The following STOX2 variants were observed in gnomAD, a reference collection of about 807,000 sequenced individuals.
STOX2 encodes storkhead-box protein 2.
STOX2 carries 28 observed loss-of-function variants against 60.9 expected under a neutral mutation model. The ratio of observed to expected loss-of-function variants is 0.46; its 90% CI spans 0.34 to 0.63. The LOEUF (loss-of-function observed/expected upper bound fraction) is 0.63. STOX2 is among the 30% of genes least tolerant of loss of function. The pLI, the probability that STOX2 is intolerant of heterozygous loss-of-function variation, is 0.01. For missense variants in STOX2, 1,024 were observed against 1,187.7 expected, an observed-to-expected ratio of 0.86 and a Z score of 2.03; for synonymous variants, 472 against 463.9, an observed-to-expected ratio of 1.02 and a Z score of -0.22.
At chr4:183,824,280 A>G (rs901869920) in intron 1 of STOX2, among the ~76,000 whole-genome samples, 2 of 152,356 alleles carry the variant, frequency 1.3e-5, no homozygotes, top group South Asian at 2.1e-4. Flanking sequence ...AGCTAATACA[A>G]TATTCTCACC....
intron 1 of STOX2, among the ~76,000 whole-genome samples, chr4:183,933,341 T>G (rs1742492194): frequency 6.6e-6 from 1 of 152,210 alleles, no homozygotes; most frequent in African/African-American, 2.4e-5. Context: ...TTATTGAAAT[T>G]AAAGCATTTG....
Position 183,931,387 on chromosome 4 carries a change from G to A in STOX2, c.166+24431G>A, listed in dbSNP as rs544206289. Among the ~76,000 whole-genome samples, 5 of 152,194 alleles carry A rather than the reference G, an allele frequency of 3.3e-5. No homozygotes were observed. In the South Asian group the frequency reaches 1.0e-3, roughly 32 times the overall value. On this transcript the variant is annotated intron_variant, in intron 1 of 3. Transcript: ENST00000308497. ...TGCAGTGAGCCAAGATTGTGCCACC[G>A]TACTCCAGCCTGGGCGACAGAGTAA...
chr4:183,878,210 A>G (rs1191417098), intron 1 of STOX2, among the ~76,000 whole-genome samples: 1 of 152,234 alleles, frequency 6.6e-6, no homozygotes, highest in Non-Finnish European at 1.5e-5. Flanking sequence ...CAACTCTGCC[A>G]TGGCCTGCCC....
rs1403271208 is a variant in STOX2, at chr4:184,001,306, G to T, written c.167-19G>T. 6.2e-7 allele frequency: 1 copy of T among 1,612,634 alleles called. No homozygotes were observed. The highest frequency in any genetic ancestry group is 1.7e-5 in the Admixed American group (1 of 59,990). On this transcript the variant is annotated intron_variant, in intron 1 of 3. Transcript: ENST00000308497. The surrounding 1 kb of genome is among the most constrained non-coding windows in gnomAD (Gnocchi z 4.2). ...GGGTCTTTTAATGAACCACTCACTT[G>T]AAAATTGTCTTTCTGCAGGTGATGT...
At chr4:183,992,553 A>T (rs919968015) in intron 1 of STOX2, among the ~76,000 whole-genome samples, 1 of 152,222 alleles carries the variant, frequency 6.6e-6, no homozygotes, top group African/African-American at 2.4e-5. Flanking sequence ...TTCTTATGTG[A>T]TGCACTTAAG....
intron 1 of STOX2, chr4:183,988,250 TCC>T (rs1323550131): frequency 6.6e-6 from 1 of 151,908 alleles, no homozygotes; most frequent in Non-Finnish European, 1.5e-5. Context: ...GGTTGGCTGA[TCC>T]GTCCCTGTGA....
intron 1 of STOX2, among the ~76,000 whole-genome samples, chr4:183,871,582 CAATT>C (rs1740694166): frequency 1.3e-5 from 2 of 152,130 alleles, no homozygotes. Flanking sequence ...ATAATAATGG[CAATT>C]AATGACAATC....
chr4:184,016,780 G>C (rs1299477967), intron 3 of STOX2, among the ~76,000 whole-genome samples: 2 of 152,132 alleles, frequency 1.3e-5, no homozygotes, highest in Admixed American at 1.3e-4. Flanking sequence ...GTGATAGCTA[G>C]CTATCACCTC....
intron 1 of STOX2, among the ~76,000 whole-genome samples, chr4:183,824,782 A>C (rs924003580): frequency 5.9e-5 from 9 of 152,206 alleles, no homozygotes; most frequent in Non-Finnish European, 8.8e-5. Context: ...GGCAGGAGAC[A>C]TCATGCATTT....
intron 1 of STOX2, among the ~76,000 whole-genome samples, chr4:183,851,240 T>C (rs1191676272): frequency 1.7e-5 from 1 of 59,872 alleles, no homozygotes; most frequent in Non-Finnish European, 3.5e-5. Flanking sequence ...AGGGAAAGGA[T>C]GAGGGAAAGG....
intron 1 of STOX2, among the ~76,000 whole-genome samples, chr4:183,907,975 C>T (rs1741666153): frequency 6.6e-6 from 1 of 152,188 alleles, no homozygotes; most frequent in Non-Finnish European, 1.5e-5. Context: ...TCACTCTGAG[C>T]CCTGTCTTAA....
At chr4:183,902,604 G>C (rs1432724831), upstream of STOX2, among the ~76,000 whole-genome samples, 1 of 152,290 alleles carries the variant, frequency 6.6e-6, no homozygotes, top group Non-Finnish European at 1.5e-5. Context: ...GGTTGTATAT[G>C]ACCAGAGTGA....
chr4:184,006,925 A>C (rs1733874724), intron 2 of STOX2, among the ~76,000 whole-genome samples: 1 of 142,240 alleles, frequency 7.0e-6, no homozygotes, highest in Non-Finnish European at 1.5e-5. Context: ...CTGAGGCAGG[A>C]GAATGGCGTG....
chr4:183,903,721 T>C (rs1741514195), upstream of STOX2, among the ~76,000 whole-genome samples: 1 of 152,218 alleles, frequency 6.6e-6, no homozygotes, highest in South Asian at 2.1e-4. Context: ...GATATCTAAA[T>C]GTCAGTTCTC....
At chr4:183,908,442 A>T (rs913480617) in intron 1 of STOX2, among the ~76,000 whole-genome samples, 4 of 152,142 alleles carry the variant, frequency 2.6e-5, no homozygotes, top group Non-Finnish European at 5.9e-5. Context: ...GAATGTCTTC[A>T]TTCCACACTT....
In STOX2 at chr4:183,976,641, C is replaced by A. The variant is rs572867536; in HGVS notation, c.167-24684C>A. Among the ~76,000 whole-genome samples, 4 of 152,202 alleles carry A rather than the reference C, an allele frequency of 2.6e-5. No individual in the cohort carries two copies. The South Asian group carries it at 6.2e-4, about 24-fold the overall frequency. On this transcript the variant is annotated intron_variant, in intron 1 of 3. Transcript: ENST00000308497. ...TACCTGGATGACAGGATCACTCATA[C>A]CCCAAACCTCAGTGGCATGCAATAT...
chr4:183,946,602 C>T (rs13140169), intron 1 of STOX2, among the ~76,000 whole-genome samples: 45,759 of 150,688 alleles, frequency 0.3, 7,670 homozygotes, highest in Middle Eastern at 0.39. Context: ...CCCTAAATAA[C>T]GTAACAACTA....
intron 2 of STOX2, among the ~76,000 whole-genome samples, chr4:184,004,427 G>A (rs565175081): frequency 6.6e-6 from 1 of 152,130 alleles, no homozygotes; most frequent in South Asian, 2.1e-4. Flanking sequence ...GTGAAACCCC[G>A]TCTCTACTAA....
intron 1 of STOX2, among the ~76,000 whole-genome samples, chr4:183,896,235 C>T (rs1741336920): frequency 6.6e-6 from 1 of 152,162 alleles, no homozygotes; most frequent in African/African-American, 2.4e-5. Flanking sequence ...ACAGCTGATA[C>T]CAGGACCAGC....
Sources: allele counts gnomAD v4.1 joint callset (sites outside exome capture counted in the v4.1 genomes callset), GRCh38; gene constraint gnomAD v4.1.1; non-coding constraint Gnocchi (gnomAD v3.1); transcripts MANE v1.5; gene names NCBI Gene and HGNC (gene_info 2026-07-23, HGNC 2026-07-21).